DNAJC1: variants seen among roughly 807,000 people sequenced by gnomAD.
DNAJC1 encodes DnaJ heat shock protein family (Hsp40) member C1.
Under a neutral mutation model 76.6 loss-of-function variants are expected in DNAJC1, and 58 were observed. The observed-to-expected ratio is 0.76, with a 90% confidence interval of 0.61 to 0.94. DNAJC1 has a LOEUF of 0.94. DNAJC1 is among the 40% of genes least tolerant of loss of function. The pLI is 0.00. For synonymous variants in DNAJC1, 258 were observed against 267.9 expected (o/e 0.96, Z 0.36); for missense variants, 689 against 677.3 (o/e 1.02, Z -0.19).
intron 1 of DNAJC1, among the ~76,000 whole-genome samples, chr10:21,929,886 T>A (rs1394575538): frequency 6.6e-6 from 1 of 152,232 alleles, no homozygotes; most frequent in Admixed American, 6.5e-5. Context: ...ACATTTTATA[T>A]AATCCTGTGT....
intron 1 of DNAJC1, among the ~76,000 whole-genome samples, chr10:21,996,965 C>A (rs1285972775): frequency 1.3e-5 from 2 of 152,084 alleles, no homozygotes; most frequent in African/African-American, 4.8e-5. Context: ...AGGTTATCTA[C>A]CATTCTAGAT....
intron 8 of DNAJC1, among the ~76,000 whole-genome samples, chr10:21,852,019 C>A (rs971514752): frequency 2.0e-5 from 3 of 151,706 alleles, no homozygotes; most frequent in African/African-American, 7.3e-5. Flanking sequence ...CGCCGCTGCA[C>A]TCCAGCCTGA....
At chr10:21,834,801 G>T (rs1041910764) in intron 8 of DNAJC1, among the ~76,000 whole-genome samples, 6 of 152,204 alleles carry the variant, frequency 3.9e-5, no homozygotes, top group African/African-American at 1.4e-4. Context: ...CAAGTTAGTT[G>T]TTTGATTAGG....
chr10:21,774,853 G>A (rs773872314), intron 9 of DNAJC1, among the ~76,000 whole-genome samples: 19 of 152,152 alleles, frequency 1.2e-4, no homozygotes, highest in Non-Finnish European at 2.2e-4. Flanking sequence ...AAATTCCAAT[G>A]GCACATGGGG....
At chr10:21,867,737 C>T (rs946285840) in intron 8 of DNAJC1, among the ~76,000 whole-genome samples, 2 of 151,982 alleles carry the variant, frequency 1.3e-5, no homozygotes, top group African/African-American at 4.8e-5. Flanking sequence ...ACACACCTAC[C>T]AGTATTATGA....
At chr10:21,860,167 G>GAA (rs78083477) in intron 8 of DNAJC1, among the ~76,000 whole-genome samples, 17 of 80,834 alleles carry the variant, frequency 2.1e-4, no homozygotes, top group East Asian at 1.5e-3. Flanking sequence ...ATGAAAAGGA[G>GAA]AAAAAAAAAA....
chr10:21,804,768 T>C (rs1000561990), intron 9 of DNAJC1, among the ~76,000 whole-genome samples: 1 of 152,040 alleles, frequency 6.6e-6, no homozygotes, highest in African/African-American at 2.4e-5. Flanking sequence ...ATCCAGATTG[T>C]AGTCTTTTAA....
At chr10:21,864,989 G>T (rs1413125384) in intron 8 of DNAJC1, among the ~76,000 whole-genome samples, 1 of 152,076 alleles carries the variant, frequency 6.6e-6, no homozygotes, top group African/African-American at 2.4e-5. Context: ...AATCTTTAGG[G>T]AGCTGAAAAT....
chr10:21,926,676 T>C (rs915637343), intron 3 of DNAJC1, among the ~76,000 whole-genome samples: 3 of 152,088 alleles, frequency 2.0e-5, no homozygotes, highest in African/African-American at 7.2e-5. Context: ...TTTAGAGGAG[T>C]GATTCTTAGC....
At chr10:21,796,297 A>G (rs529499447) in intron 9 of DNAJC1, among the ~76,000 whole-genome samples, 3 of 152,014 alleles carry the variant, frequency 2.0e-5, no homozygotes, top group Admixed American at 6.6e-5. Context: ...AATGAATAAT[A>G]TTCTATTATA....
At chr10:21,837,596 G>A (rs1246886327) in intron 8 of DNAJC1, among the ~76,000 whole-genome samples, 9 of 150,826 alleles carry the variant, frequency 6.0e-5, no homozygotes, top group Admixed American at 2.0e-4. Context: ...CTCTCTGCCC[G>A]GCCGCCCCAT....
intron 8 of DNAJC1, among the ~76,000 whole-genome samples, chr10:21,816,470 G>A (rs1013829406): frequency 6.6e-6 from 1 of 151,800 alleles, no homozygotes; most frequent in Non-Finnish European, 1.5e-5. Context: ...CACTTTGGGA[G>A]GCCATGGCAA....
At chr10:21,895,175 A>G (rs2666753) in intron 7 of DNAJC1, among the ~76,000 whole-genome samples, 87,016 of 152,094 alleles carry the variant, frequency 0.57, 27,487 homozygotes, top group East Asian at 0.97. Context: ...AGTGCATGCT[A>G]AAGCATTAAG....
intron 8 of DNAJC1, among the ~76,000 whole-genome samples, chr10:21,816,722 T>C (rs1211268784): frequency 6.7e-6 from 1 of 150,062 alleles, no homozygotes; most frequent in Non-Finnish European, 1.5e-5. Context: ...ATTTTTTGTA[T>C]TTTTAGTAGA....
At chr10:21,962,456 TTGC>T (rs1837811134) in intron 1 of DNAJC1, among the ~76,000 whole-genome samples, 1 of 129,446 alleles carries the variant, frequency 7.7e-6, no homozygotes, top group Non-Finnish European at 1.6e-5. Flanking sequence ...TGCTATTTTA[TTGC>T]TTTTTTTTTT....
At chr10:21,979,732 G>A (rs896959817) in intron 1 of DNAJC1, among the ~76,000 whole-genome samples, 8 of 149,430 alleles carry the variant, frequency 5.4e-5, no homozygotes, top group Non-Finnish European at 1.2e-4. Context: ...TTTTCACCAT[G>A]GCTTTACCTT....
chr10:21,930,915 T>C (rs1837211038), intron 1 of DNAJC1, among the ~76,000 whole-genome samples: 1 of 152,220 alleles, frequency 6.6e-6, no homozygotes, highest in South Asian at 2.1e-4. Flanking sequence ...GTATATTTCA[T>C]ACAAAATAAT....
chr10:21,858,260 C>A (rs1835870514), intron 8 of DNAJC1, among the ~76,000 whole-genome samples: 1 of 152,076 alleles, frequency 6.6e-6, no homozygotes, highest in Non-Finnish European at 1.5e-5. Flanking sequence ...AATAAAAAGT[C>A]TCTGAGAAAG....
chr10:21,928,567 T>C lies in DNAJC1; in HGVS notation c.325-15A>G. 1.2e-6 allele frequency: 2 copies of C among 1,604,946 alleles called. No homozygotes were observed. The highest frequency in any genetic ancestry group is 1.7e-6 in the Non-Finnish European group (2 of 1,171,992). On this transcript the variant is annotated splice_polypyrimidine_tract_variant and intron_variant, in intron 2 of 11. Transcript: ENST00000376980. ...ATGGCCACCAACTAAAATAAAAGCA[T>C]TACTTTAAAATAAAAATACTCTCAA...
Sources: gnomAD v4.1 joint callset for allele counts (sites outside exome capture counted in the v4.1 genomes callset) on GRCh38, gnomAD v4.1.1 for gene constraint, MANE v1.5 for transcripts, NCBI Gene and HGNC (gene_info 2026-07-23, HGNC 2026-07-21) for gene names.